The following GRID2 variants were observed in gnomAD, a reference collection of about 807,000 sequenced individuals.
The protein encoded by GRID2 is glutamate ionotropic receptor delta type subunit 2.
A neutral mutation model predicts 114.8 loss-of-function variants in GRID2; 33 were observed. That is an observed-to-expected ratio of 0.29 (90% CI 0.22 to 0.38). The LOEUF (loss-of-function observed/expected upper bound fraction) is 0.38. GRID2 is among the 10% of genes least tolerant of loss of function. The pLI is 1.00. For synonymous variants in GRID2, 505 were observed against 449.9 expected, an observed-to-expected ratio of 1.12 and a Z score of -1.55; for missense variants, 1,184 against 1,257.7, an observed-to-expected ratio of 0.94 and a Z score of 0.89.
intron 2 of GRID2, among the ~76,000 whole-genome samples, chr4:92,923,557 T>C (rs573964099): frequency 1.2e-4 from 18 of 152,348 alleles, no homozygotes; most frequent in African/African-American, 3.8e-4. Flanking sequence ...TTATTTCTAT[T>C]CTGCCATTTT....
At chr4:92,730,239 T>A (rs1164184197) in intron 2 of GRID2, among the ~76,000 whole-genome samples, 1 of 151,954 alleles carries the variant, frequency 6.6e-6, no homozygotes, top group Non-Finnish European at 1.5e-5. Context: ...GTCTATTGAT[T>A]ATAAGCATAA....
chr4:93,139,761 C>T (rs1033476703), intron 4 of GRID2, among the ~76,000 whole-genome samples: 4 of 151,790 alleles, frequency 2.6e-5, no homozygotes, highest in African/African-American at 9.7e-5. Context: ...CACACACACA[C>T]ACATTCACAC....
At chr4:93,709,705 C>T (rs1390478324) in intron 14 of GRID2, among the ~76,000 whole-genome samples, 7 of 152,126 alleles carry the variant, frequency 4.6e-5, no homozygotes, top group African/African-American at 1.4e-4. Flanking sequence ...TCTTTAAGGC[C>T]AATAACTTAG....
chr4:93,353,412 G>A (rs1203820011), intron 8 of GRID2, among the ~76,000 whole-genome samples: 1 of 151,898 alleles, frequency 6.6e-6, no homozygotes, highest in African/African-American at 2.4e-5. Context: ...ATTACAGAAA[G>A]CTTAGAGAAA....
chr4:92,665,639 A>G (rs367877908), intron 2 of GRID2, among the ~76,000 whole-genome samples: 180 of 150,800 alleles, frequency 1.2e-3, no homozygotes, highest in African/African-American at 4.0e-3. Context: ...GCTTTTGCTT[A>G]TTTTAGAATT....
chr4:93,559,326 C>G (rs1734656765), intron 13 of GRID2, among the ~76,000 whole-genome samples: 1 of 152,102 alleles, frequency 6.6e-6, no homozygotes, highest in Admixed American at 6.5e-5. Flanking sequence ...AAAATTTTTG[C>G]AATCTATCCA....
intron 2 of GRID2, among the ~76,000 whole-genome samples, chr4:92,898,339 T>C (rs1747320441): frequency 6.6e-6 from 1 of 152,146 alleles, no homozygotes; most frequent in African/African-American, 2.4e-5. Flanking sequence ...ATATAGAACC[T>C]AGCTCTGATA....
At chr4:93,059,839 G>A (rs1727610354) in intron 2 of GRID2, among the ~76,000 whole-genome samples, 1 of 151,242 alleles carries the variant, frequency 6.6e-6, no homozygotes, top group Non-Finnish European at 1.5e-5. Context: ...TGAGAAGTAT[G>A]TTTTTAAACT....
intron 2 of GRID2, among the ~76,000 whole-genome samples, chr4:92,608,443 T>C (rs920281443): frequency 6.6e-6 from 1 of 151,904 alleles, no homozygotes; most frequent in African/African-American, 2.4e-5. Flanking sequence ...GAGCAAGTGA[T>C]ATTTTAAAAT....
chr4:93,164,001 T>C (rs1375897560), intron 4 of GRID2, among the ~76,000 whole-genome samples: 1 of 152,020 alleles, frequency 6.6e-6, no homozygotes, highest in African/African-American at 2.4e-5. Context: ...TCACATTGTC[T>C]TATAATTACC....
At chr4:92,801,986 TG>T (rs1048620694) in intron 2 of GRID2, among the ~76,000 whole-genome samples, 11 of 151,928 alleles carry the variant, frequency 7.2e-5, no homozygotes, top group Admixed American at 2.0e-4. Context: ...AATACCACAT[TG>T]TTTTTTTTAA....
intron 1 of GRID2, among the ~76,000 whole-genome samples, chr4:92,386,820 A>G (rs1048129038): frequency 7.9e-5 from 12 of 151,884 alleles, no homozygotes; most frequent in Non-Finnish European, 1.5e-4. Flanking sequence ...AAGAGAAGAA[A>G]AACAGGCAAT....
chr4:93,337,458 T>G (rs1759201965), intron 8 of GRID2, among the ~76,000 whole-genome samples: 1 of 152,326 alleles, frequency 6.6e-6, no homozygotes, highest in South Asian at 2.1e-4. Context: ...ATCACAGATT[T>G]GCATTATCGC....
intron 2 of GRID2, among the ~76,000 whole-genome samples, chr4:92,959,117 T>A (rs1371111204): frequency 6.6e-6 from 1 of 151,296 alleles, no homozygotes; most frequent in South Asian, 2.1e-4. Flanking sequence ...TTGATTTTTT[T>A]TTTTTTTCCC....
At chr4:92,592,823 A>AT (rs35568463) in intron 2 of GRID2, among the ~76,000 whole-genome samples, 57,575 of 151,552 alleles carry the variant, frequency 0.38, 10,933 homozygotes, top group Middle Eastern at 0.46. Context: ...TATTTATAGA[A>AT]TTTTTTTTGT....
intron 13 of GRID2, among the ~76,000 whole-genome samples, chr4:93,611,031 G>T (rs1212421554): frequency 2.3e-5 from 3 of 128,600 alleles, no homozygotes; most frequent in African/African-American, 6.5e-5. Context: ...CTTCTTCCTG[G>T]TTTAGTCTTG....
chr4:92,385,405 CAG>C (rs1445114356), intron 1 of GRID2, among the ~76,000 whole-genome samples: 2 of 151,600 alleles, frequency 1.3e-5, no homozygotes, highest in East Asian at 1.9e-4. Flanking sequence ...TGTGGCAACA[CAG>C]AGTATCAACT....
intron 8 of GRID2, among the ~76,000 whole-genome samples, chr4:93,284,893 T>C (rs527636670): frequency 2.0e-3 from 302 of 152,184 alleles, no homozygotes; most frequent in Admixed American, 5.6e-3. Flanking sequence ...CTGGGCCATA[T>C]AGATACTCAA....
At chr4:93,228,543 G>A (rs1288274430) in intron 7 of GRID2, among the ~76,000 whole-genome samples, 2 of 152,090 alleles carry the variant, frequency 1.3e-5, no homozygotes, top group Non-Finnish European at 2.9e-5. Context: ...GAGAATTTTG[G>A]CTGTTATCAA....
Sources: gnomAD v4.1 joint callset for allele counts (sites outside exome capture counted in the v4.1 genomes callset) on GRCh38, gnomAD v4.1.1 for gene constraint, MANE v1.5 for transcripts, NCBI Gene and HGNC (gene_info 2026-07-23, HGNC 2026-07-21) for gene names.